Variants in SPATS2L observed in about 807,000 individuals in gnomAD.
SPATS2L encodes SPATS2-like protein.
A neutral mutation model predicts 59.6 loss-of-function variants in SPATS2L; 30 were observed. That is an observed-to-expected ratio of 0.50 (90% CI 0.38 to 0.68). The LOEUF is 0.68. Among genes scored for constraint, SPATS2L ranks in the 30% least tolerant of loss-of-function variants. The pLI, the probability that SPATS2L is intolerant of heterozygous loss-of-function variation, is 0.00. For synonymous variants in SPATS2L, 252 were observed against 263.5 expected (o/e 0.96, Z 0.42); for missense variants, 615 against 700.0 (o/e 0.88, Z 1.37).
chr2:200,383,198 C>G (rs1255241471), intron 2 of SPATS2L, among the ~76,000 whole-genome samples: 1 of 152,112 alleles, frequency 6.6e-6, no homozygotes, highest in African/African-American at 2.4e-5. Flanking sequence ...CTTTAAGAAC[C>G]CCTGCTCTAG....
intron 2 of SPATS2L, among the ~76,000 whole-genome samples, chr2:200,332,896 G>A (rs2079997754): frequency 6.6e-6 from 1 of 152,030 alleles, no homozygotes; most frequent in Non-Finnish European, 1.5e-5. Context: ...AAATTGTGGT[G>A]TAATCATATG....
chr2:200,307,632 G>C (rs931371487), intron 1 of SPATS2L, among the ~76,000 whole-genome samples: 1 of 152,238 alleles, frequency 6.6e-6, no homozygotes, highest in Non-Finnish European at 1.5e-5. Context: ...GTTGTCGTAG[G>C]ATGCGCTCGC....
chr2:200,307,005 G>A, intron 1 of SPATS2L, 83 bp downstream of exon 1: 1 of 972,836 alleles, frequency 1.0e-6, no homozygotes, highest in Non-Finnish European at 1.2e-6. Flanking sequence ...CGGCCGGGAC[G>A]GAGACTCGGC....
intron 6 of SPATS2L, among the ~76,000 whole-genome samples, chr2:200,429,483 T>C (rs1360211685): frequency 2.6e-5 from 4 of 152,094 alleles, no homozygotes; most frequent in Non-Finnish European, 5.9e-5. Context: ...GTGAAGAAAC[T>C]TGTCAAAGGG....
At chr2:200,422,828 A>C (rs1012663663) in intron 6 of SPATS2L, among the ~76,000 whole-genome samples, 1 of 152,204 alleles carries the variant, frequency 6.6e-6, no homozygotes, top group South Asian at 2.1e-4. Flanking sequence ...ATAAGAGATT[A>C]AAAATAACCA....
chr2:200,386,478 C>T (rs2081997840), intron 2 of SPATS2L, among the ~76,000 whole-genome samples: 1 of 152,174 alleles, frequency 6.6e-6, no homozygotes, highest in African/African-American at 2.4e-5. Context: ...TGTATGTTTT[C>T]TTACGAATAT....
chr2:200,346,707 A>G (rs1033962077), intron 2 of SPATS2L, among the ~76,000 whole-genome samples: 3 of 152,212 alleles, frequency 2.0e-5, no homozygotes, highest in Admixed American at 2.0e-4. Context: ...TTTTAAAGCT[A>G]TCCCCTGAGA....
At chr2:200,386,021 T>G (rs1375313952) in intron 2 of SPATS2L, among the ~76,000 whole-genome samples, 1 of 152,158 alleles carries the variant, frequency 6.6e-6, no homozygotes, top group East Asian at 1.9e-4. Flanking sequence ...CAAACCAAAT[T>G]TATGGTCTGT....
intron 3 of SPATS2L, among the ~76,000 whole-genome samples, chr2:200,408,297 A>C (rs566888762): frequency 3.9e-4 from 60 of 152,274 alleles, no homozygotes; most frequent in African/African-American, 1.4e-3. Flanking sequence ...TTGGAGCCCA[A>C]TTGTTGCTGG....
At chr2:200,472,725 TG>T in intron 11 of SPATS2L, 106 bp from the exon 12 acceptor site, 1 of 950,710 alleles carries the variant, frequency 1.1e-6, no homozygotes, top group Non-Finnish European at 1.6e-6. Flanking sequence ...TTAATGTTTT[TG>T]TGGAGCTCCT....
intron 2 of SPATS2L, among the ~76,000 whole-genome samples, chr2:200,367,556 T>C (rs543004310): frequency 2.1e-4 from 32 of 152,380 alleles, no homozygotes; most frequent in South Asian, 6.2e-4. Flanking sequence ...AGTATGTCTT[T>C]ATTTCATATG....
intron 11 of SPATS2L, among the ~76,000 whole-genome samples, chr2:200,472,009 T>C (rs779991157): frequency 1.4e-4 from 21 of 152,142 alleles, no homozygotes; most frequent in Non-Finnish European, 3.1e-4. Context: ...TGTAATCACA[T>C]AGAAATCATC....
chr2:200,459,594 C>T lies in SPATS2L; in HGVS notation c.789-175C>T, dbSNP rs1469481162. On this transcript the variant is annotated intron_variant, in intron 8 of 12. Coordinates refer to ENST00000409140, the MANE Select transcript of SPATS2L (RefSeq NM_001100423.2). ...TATGTAATCCTTGGGAACATCCCTT[C>T]GATGTTGCCTCATTTTTTGGAGAGG... Among the ~76,000 whole-genome samples, 2 of 152,108 alleles carry T rather than the reference C, an allele frequency of 1.3e-5. 1 individual carries two copies.
chr2:200,399,468 T>A (rs1447722717), intron 3 of SPATS2L, among the ~76,000 whole-genome samples: 1 of 152,250 alleles, frequency 6.6e-6, no homozygotes, highest in Non-Finnish European at 1.5e-5. Context: ...TCCACTCATC[T>A]TCCGATGGAC....
At chr2:200,381,350 T>C (rs948535538) in intron 2 of SPATS2L, among the ~76,000 whole-genome samples, 1 of 152,182 alleles carries the variant, frequency 6.6e-6, no homozygotes, top group Admixed American at 6.5e-5. Context: ...AAACCTGTAG[T>C]ACCTGAGAGC....
chr2:200,382,820 T>A (rs1457137691), intron 2 of SPATS2L, among the ~76,000 whole-genome samples: 4 of 152,204 alleles, frequency 2.6e-5, no homozygotes, highest in Admixed American at 6.5e-5. Flanking sequence ...GTCTGGTACG[T>A]TATAAGTTCT....
At chr2:200,384,517 T>C (rs2081928799) in intron 2 of SPATS2L, among the ~76,000 whole-genome samples, 1 of 152,184 alleles carries the variant, frequency 6.6e-6, no homozygotes, top group African/African-American at 2.4e-5. Flanking sequence ...CCATGCCGGC[T>C]AATTTTCTGT....
chr2:200,420,973 T>A (rs960511837), intron 6 of SPATS2L, among the ~76,000 whole-genome samples: 2 of 152,152 alleles, frequency 1.3e-5, no homozygotes, highest in South Asian at 2.1e-4. Flanking sequence ...AGGTGGTAGA[T>A]CCTTTGATGA....
At chr2:200,324,070 A>G (rs1004291745) in intron 1 of SPATS2L, among the ~76,000 whole-genome samples, 2 of 151,904 alleles carry the variant, frequency 1.3e-5, no homozygotes, top group Admixed American at 6.6e-5. Context: ...GTAAATCCCA[A>G]CCCTGGGGCT....
Sources: gnomAD v4.1 joint callset for allele counts (sites outside exome capture counted in the v4.1 genomes callset) on GRCh38, gnomAD v4.1.1 for gene constraint, MANE v1.5 for transcripts, NCBI Gene and HGNC (gene_info 2026-07-23, HGNC 2026-07-21) for gene names.